The following CDH17 variants were observed in gnomAD, a reference collection of about 807,000 sequenced individuals.
The protein encoded by CDH17 is cadherin 17, also known as cadherin-17.
A neutral mutation model predicts 86.3 loss-of-function variants in CDH17; 67 were observed. The observed-to-expected ratio is 0.78, with a 90% confidence interval of 0.64 to 0.95. The LOEUF (loss-of-function observed/expected upper bound fraction) is 0.95. CDH17 is among the 40% of genes least tolerant of loss of function. CDH17 has a pLI of 0.00. For synonymous variants in CDH17, 367 were observed against 366.4 expected, an observed-to-expected ratio of 1.00 and a Z score of -0.02; for missense variants, 993 against 1,017.6, an observed-to-expected ratio of 0.98 and a Z score of 0.33.
intron 3 of CDH17, among the ~76,000 whole-genome samples, chr8:94,179,716 T>C (rs983538892): frequency 1.3e-5 from 2 of 152,208 alleles, no homozygotes. Flanking sequence ...AGGAACTCTC[T>C]ATCTAGTCAT....
chr8:94,160,237 G>C lies in CDH17; in HGVS notation c.1360-75C>G. On this transcript the variant is annotated intron_variant, in intron 11 of 17. Coordinates refer to ENST00000027335, the MANE Select transcript of CDH17 (RefSeq NM_004063.4). ...AGCCAAAGGACAAACTTATCTCTCTGGTTTCAGAATAGACACAAGTCATAG... is the reference window on the plus strand; with the variant it reads ...AGCCAAAGGACAAACTTATCTCTCTCGTTTCAGAATAGACACAAGTCATAG... 3.5e-6 allele frequency: 4 copies of C among 1,151,200 alleles called. No individual in the cohort carries two copies. The East Asian group carries it at 9.6e-5, about 27-fold the overall frequency. The allele number at this position is 1,151,200 out of a possible 1,614,324, so 71.3% of individuals were successfully genotyped here. A position where few individuals can be genotyped will look rare whatever the true frequency, so the allele number is the denominator to read the frequency against.
At position 94,170,400 on chromosome 8, in the gene CDH17, G is replaced by T; in HGVS notation, c.1063C>A (p.Leu355Met). The T allele has an allele frequency of 6.2e-7, 1 of 1,613,546 alleles. No individual in the cohort carries two copies. The highest frequency in any genetic ancestry group is 8.5e-7 in the Non-Finnish European group (1 of 1,179,702). Residue 355 changes from leucine to methionine, a missense_variant, in exon 9 of 18, where the codon CTG becomes ATG. Leu to Met is a conservative substitution (Grantham distance 15). Transcript: ENST00000027335. The part of the protein sequence containing the change: ...TVFEVQENER[L>M]GNSIGTLTAH... ...TTAGGCAGCTCTCATTTCTTACCCA[G>T]TCGTTCATTCTCCTGGACCTCAAAT...
chr8:94,162,528 CTG>C (rs1312436275), intron 10 of CDH17, among the ~76,000 whole-genome samples: 1 of 152,238 alleles, frequency 6.6e-6, no homozygotes, highest in Admixed American at 6.5e-5. Context: ...CAGAGCAAAA[CTG>C]TCCTTCCAGA....
In CDH17 at chr8:94,151,957, G is replaced by A. The variant is rs747776380; in HGVS notation, c.1707C>T (p.His569=). Residue 569 remains histidine, a synonymous_variant, in exon 13 of 18, where the codon CAC becomes CAT. Coordinates refer to ENST00000027335, the MANE Select transcript of CDH17 (RefSeq NM_004063.4). ...DVNEAPQFSQ[H]VFQAKVSEDV... ...CCTCACTGACTTTCGCTTGGAATACGTGTTGGGAAAATTGAGGTGCTTCAT... is the reference window on the plus strand; with the variant it reads ...CCTCACTGACTTTCGCTTGGAATACATGTTGGGAAAATTGAGGTGCTTCAT... The A allele has an allele frequency of 6.2e-6, 10 of 1,614,050 alleles. No individual in the cohort carries two copies. The highest frequency in any genetic ancestry group is 1.7e-5 in the Admixed American group (1 of 60,008).
At chr8:94,169,771 T>C (rs1813231380) in intron 9 of CDH17, among the ~76,000 whole-genome samples, 1 of 152,214 alleles carries the variant, frequency 6.6e-6, no homozygotes, top group Admixed American at 6.5e-5. Context: ...GTTCTTATAG[T>C]AGTTGTTCCT....
intron 14 of CDH17, among the ~76,000 whole-genome samples, 188 bp downstream of exon 14, chr8:94,148,541 CAAAAAAAAAAAAAAA>C (rs59942237): frequency 1.8e-3 from 53 of 29,200 alleles, no homozygotes; most frequent in Non-Finnish European, 2.9e-3. Context: ...GACTCCATCT[CAAAAAAAAAAAAAAA>C]AAAAAAAAAA....
At position 94,146,162 on chromosome 8, in the gene CDH17, A is replaced by G; in HGVS notation, c.1933T>C (p.Ser645Pro). 1 of 1,534,284 alleles carries G rather than the reference A, an allele frequency of 6.5e-7. No homozygotes were observed. Among genetic ancestry groups the G allele is most frequent in the Non-Finnish European group, 8.8e-7 (1 of 1,140,194 alleles). Reference sequence around the variant, plus strand: ...AACTCTGACACAGAGCTCAAGGAAGACCCCCCTAAGGAATTGAATGATTGA... The same window carrying G: ...AACTCTGACACAGAGCTCAAGGAAGGCCCCCCTAAGGAATTGAATGATTGA... Reference protein sequence around the residue: ...VQVVATEVGGSSLSSVSEFHL... With the variant: ...VQVVATEVGGPSLSSVSEFHL... Residue 645 changes from serine (S) to proline (P), a missense_variant, in exon 15 of 18, where the codon TCT (serine) becomes CCT (proline). By Grantham distance (74) the Ser-to-Pro change is moderately conservative. Transcript: ENST00000027335.
intron 12 of CDH17, among the ~76,000 whole-genome samples, chr8:94,155,099 T>C (rs1286692294): frequency 2.6e-5 from 4 of 152,064 alleles, no homozygotes; most frequent in Admixed American, 2.6e-4. Context: ...TGTTCAAATA[T>C]ATAAGAGATA....
intron 1 of CDH17, among the ~76,000 whole-genome samples, chr8:94,204,877 C>G (rs1472036340): frequency 2.6e-5 from 4 of 152,180 alleles, no homozygotes; most frequent in Non-Finnish European, 5.9e-5. Flanking sequence ...CCAGAGCAGT[C>G]ACAGGAAAGG....
intron 12 of CDH17, among the ~76,000 whole-genome samples, chr8:94,154,297 C>A (rs1812909052): frequency 6.6e-6 from 1 of 152,194 alleles, no homozygotes; most frequent in Admixed American, 6.5e-5. Context: ...AGAAGAGGAA[C>A]TGGAACACGG....
chr8:94,130,743 A>T lies in CDH17; in HGVS notation c.2285-4T>A, dbSNP rs750231595. The T allele has an allele frequency of 1.2e-6, 2 of 1,609,640 alleles. No homozygotes were observed. The highest frequency in any genetic ancestry group is 2.7e-5 in the African/African-American group (2 of 74,988). ...TCCACACAACTGCAGAATGTAACTG[A>T]AAAGCAGGACAGTATTTGGTAGGAT... On this transcript the variant is annotated splice_region_variant and splice_polypyrimidine_tract_variant and intron_variant, in intron 16 of 17. Transcript: ENST00000027335.
chr8:94,191,153 A>AT (rs71680648), intron 2 of CDH17, among the ~76,000 whole-genome samples: 55,332 of 151,504 alleles, frequency 0.37, 11,188 homozygotes, highest in Non-Finnish European at 0.47. Flanking sequence ...CATATTCCTG[A>AT]TTTTAAAAAA....
At chr8:94,181,333 A>G (rs1205121252) in intron 3 of CDH17, among the ~76,000 whole-genome samples, 1 of 152,204 alleles carries the variant, frequency 6.6e-6, no homozygotes, top group Non-Finnish European at 1.5e-5. Context: ...ATTAGAAGCT[A>G]ACAAACACCC....
chr8:94,143,901 G>A (rs1812685716), intron 15 of CDH17, among the ~76,000 whole-genome samples: 1 of 152,052 alleles, frequency 6.6e-6, no homozygotes, highest in South Asian at 2.1e-4. Flanking sequence ...TGGCAATAAG[G>A]CTATTTTGCT....
chr8:94,158,971 A>C (rs1005213372), intron 12 of CDH17, among the ~76,000 whole-genome samples: 2 of 152,190 alleles, frequency 1.3e-5, no homozygotes, highest in Non-Finnish European at 2.9e-5. Context: ...AGCTTCCAGC[A>C]CACTGCACTG....
At chr8:94,134,692 C>T (rs1290590729) in intron 15 of CDH17, among the ~76,000 whole-genome samples, 3 of 152,044 alleles carry the variant, frequency 2.0e-5, no homozygotes, top group South Asian at 2.1e-4. Context: ...TATTTCCTGC[C>T]TTCTGCTAGC....
rs1298965898 is a variant in CDH17 at position 94,173,868 on chromosome 8, T to C, written c.712A>G (p.Ile238Val). The change falls in exon 7 of 18, where the codon ATT (isoleucine) becomes GTT (valine). Residue 238 changes from isoleucine to valine, a missense_variant. Transcript: ENST00000027335. ...TCCACAGGTTTTGGTGCTTTCCAAA[T>C]ATTCTCTGTCACTATGATATCCACA... ...TSVDIIVTEN[I>V]WKAPKPVEMV... 2 of 1,613,978 alleles carry C rather than the reference T, an allele frequency of 1.2e-6. No homozygotes were observed. Among genetic ancestry groups the C allele is most frequent in the Non-Finnish European group, 1.7e-6 (2 of 1,179,904 alleles).
intron 15 of CDH17, among the ~76,000 whole-genome samples, chr8:94,136,626 C>T (rs1263249167): frequency 6.6e-6 from 1 of 152,214 alleles, no homozygotes; most frequent in South Asian, 2.1e-4. Context: ...TACCAACCTT[C>T]TGAAGCCTGC....
At chr8:94,181,332 T>C (rs779893411) in intron 3 of CDH17, among the ~76,000 whole-genome samples, 38 of 152,048 alleles carry the variant, frequency 2.5e-4, no homozygotes, top group Non-Finnish European at 4.4e-4. Flanking sequence ...AATTAGAAGC[T>C]AACAAACACC....
Sources: gnomAD v4.1 joint callset for allele counts (sites outside exome capture counted in the v4.1 genomes callset) on GRCh38, gnomAD v4.1.1 for gene constraint, MANE v1.5 for transcripts, NCBI Gene and HGNC (gene_info 2026-07-23, HGNC 2026-07-21) for gene names.